Variants in ASAP1 observed in about 807,000 individuals in gnomAD.
The protein encoded by ASAP1 is ArfGAP with SH3 domain, ankyrin repeat and PH domain 1.
In ASAP1, 43 loss-of-function variants were observed where a neutral mutation model predicts 145.2. The ratio of observed to expected loss-of-function variants is 0.30; its 90% CI spans 0.23 to 0.38. ASAP1 has a LOEUF of 0.38. Ranked by LOEUF, ASAP1 falls within the 10% of genes least tolerant of loss-of-function variation. The pLI is 1.00. For missense variants in ASAP1, 1,018 were observed against 1,355.3 expected (o/e 0.75, Z 3.91); for synonymous variants, 546 against 515.5 (o/e 1.06, Z -0.80).
chr8:130,317,005 T>C (rs150946081), intron 3 of ASAP1, among the ~76,000 whole-genome samples: 7 of 152,274 alleles, frequency 4.6e-5, no homozygotes, highest in Non-Finnish European at 7.3e-5. Flanking sequence ...GCTATGCTGT[T>C]GAATGTTCCA....
Position 130,188,246 on chromosome 8 carries a change from C to T in ASAP1, c.406-63G>A. 3 of 1,300,232 alleles carry T rather than the reference C, an allele frequency of 2.3e-6. No individual in the cohort carries two copies. The South Asian group carries it at 3.6e-5, about 15-fold the overall frequency. The allele number at this position is 1,300,232 out of a possible 1,614,324, so 80.5% of individuals were successfully genotyped here. A position where few individuals can be genotyped will look rare whatever the true frequency, so the allele number is the denominator to read the frequency against. On this transcript the variant is annotated intron_variant, in intron 5 of 29. Coordinates refer to ENST00000518721, the MANE Select transcript of ASAP1 (RefSeq NM_018482.4). ...ATAAAGTCCACATGAACAATAAAAC[C>T]AGCTACTATTGACTGAGCATTTTCC...
chr8:130,388,004 G>C (rs534561942), intron 2 of ASAP1, among the ~76,000 whole-genome samples: 3 of 152,274 alleles, frequency 2.0e-5, no homozygotes, highest in Admixed American at 2.0e-4. Context: ...AAACATACGG[G>C]GAGCAACCAA....
At chr8:130,081,238 G>A (rs1257945671) in intron 25 of ASAP1, among the ~76,000 whole-genome samples, 2 of 152,184 alleles carry the variant, frequency 1.3e-5, no homozygotes, top group African/African-American at 4.8e-5. Flanking sequence ...AAAACCAGAG[G>A]CACACAGGTG....
intron 3 of ASAP1, among the ~76,000 whole-genome samples, chr8:130,300,656 G>A (rs1248270094): frequency 1.3e-5 from 2 of 152,202 alleles, no homozygotes; most frequent in Non-Finnish European, 2.9e-5. Context: ...AACAGATAAT[G>A]AAGTTGAAAG....
intron 3 of ASAP1, among the ~76,000 whole-genome samples, chr8:130,267,623 T>A (rs1443338378): frequency 6.6e-6 from 1 of 152,186 alleles, no homozygotes; most frequent in Admixed American, 6.5e-5. Context: ...TTGATAAAAA[T>A]CTACTTTGTA....
At chr8:130,392,854 G>A (rs1420506553) in intron 2 of ASAP1, among the ~76,000 whole-genome samples, 1 of 152,114 alleles carries the variant, frequency 6.6e-6, no homozygotes, top group African/African-American at 2.4e-5. Context: ...AACTAACAGA[G>A]TGAGAACTCA....
At chr8:130,431,528 C>A (rs908711289) in intron 1 of ASAP1, among the ~76,000 whole-genome samples, 9 of 152,186 alleles carry the variant, frequency 5.9e-5, no homozygotes, top group Non-Finnish European at 1.5e-5. Context: ...CCTTCCCTTC[C>A]TTCCATTCTT....
intron 4 of ASAP1, among the ~76,000 whole-genome samples, chr8:130,225,615 A>G (rs1414392944): frequency 6.6e-6 from 1 of 152,232 alleles, no homozygotes; most frequent in African/African-American, 2.4e-5. Flanking sequence ...AAAAGAACAC[A>G]CAGACAACAC....
At chr8:130,279,043 A>T (rs1434052036) in intron 3 of ASAP1, among the ~76,000 whole-genome samples, 1 of 152,206 alleles carries the variant, frequency 6.6e-6, no homozygotes, top group Non-Finnish European at 1.5e-5. Context: ...TACCCTAATA[A>T]GGTATCGAAA....
At chr8:130,226,332 A>G (rs1256766186) in intron 4 of ASAP1, among the ~76,000 whole-genome samples, 1 of 152,018 alleles carries the variant, frequency 6.6e-6, no homozygotes, top group African/African-American at 2.4e-5. Flanking sequence ...TAAACTCTTT[A>G]TTTTCTTATC....
At chr8:130,156,748 C>T (rs548540162) in intron 12 of ASAP1, among the ~76,000 whole-genome samples, 1 of 152,022 alleles carries the variant, frequency 6.6e-6, no homozygotes, top group African/African-American at 2.4e-5. Flanking sequence ...TTATTTAATC[C>T]CTCTGTAAAA....
chr8:130,256,752 T>TGAAA (rs1417377987), intron 3 of ASAP1, among the ~76,000 whole-genome samples: 3 of 41,890 alleles, frequency 7.2e-5, no homozygotes, highest in Non-Finnish European at 1.5e-4. Flanking sequence ...TATATATATA[T>TGAAA]ATATATATAT....
Position 130,152,554 on chromosome 8 carries a change from A to C in ASAP1, c.1080+182T>G, listed in dbSNP as rs1260250053. ...AAAAAAACAAGTTTCTAGTGATGCC[A>C]AAGAATGGTGCAGACTACCACAGGA... On this transcript the variant is annotated intron_variant, in intron 13 of 29. Transcript: ENST00000518721. 1.2e-4 allele frequency: 51 copies of C among 412,084 alleles called. No homozygotes were observed. In the East Asian group the frequency reaches 1.7e-3, roughly 14 times the overall value. 25.5% of individuals were successfully genotyped at this position (412,084 alleles called of 1,614,324 possible). A position where few individuals can be genotyped will look rare whatever the true frequency, so the allele number is the denominator to read the frequency against.
chr8:130,269,418 T>A (rs2137058239), intron 3 of ASAP1, among the ~76,000 whole-genome samples: 1 of 152,336 alleles, frequency 6.6e-6, no homozygotes, highest in East Asian at 1.9e-4. Context: ...CAGGATGTCC[T>A]GAGAATACAG....
At chr8:130,178,094 T>C (rs976747681) in intron 9 of ASAP1, among the ~76,000 whole-genome samples, 4 of 152,222 alleles carry the variant, frequency 2.6e-5, no homozygotes, top group Non-Finnish European at 5.9e-5. Context: ...ATGTTTCAGT[T>C]GAATACAGGT....
intron 3 of ASAP1, among the ~76,000 whole-genome samples, chr8:130,258,248 C>T (rs1007190982): frequency 1.3e-5 from 2 of 152,186 alleles, no homozygotes; most frequent in African/African-American, 4.8e-5. Context: ...TCAACCAGCC[C>T]ATCCCCTGCA....
intron 4 of ASAP1, among the ~76,000 whole-genome samples, chr8:130,231,969 T>A (rs1817932229): frequency 6.6e-6 from 1 of 152,228 alleles, no homozygotes; most frequent in South Asian, 2.1e-4. Context: ...AGGGCTGCAG[T>A]CACCTGAAAG....
intron 24 of ASAP1, among the ~76,000 whole-genome samples, chr8:130,103,414 C>G (rs564884055): frequency 1.3e-5 from 2 of 152,082 alleles, no homozygotes; most frequent in African/African-American, 4.8e-5. Context: ...CTGCTCTGAT[C>G]TTTTTTCTTT....
chr8:130,165,291 A>G (rs767541253), intron 11 of ASAP1, among the ~76,000 whole-genome samples: 22 of 152,192 alleles, frequency 1.4e-4, no homozygotes, highest in Non-Finnish European at 2.5e-4. Flanking sequence ...ATACTGTGTG[A>G]CAAAACAAAG....
Sources: gnomAD v4.1 joint callset for allele counts (sites outside exome capture counted in the v4.1 genomes callset) on GRCh38, gnomAD v4.1.1 for gene constraint, MANE v1.5 for transcripts, NCBI Gene and HGNC (gene_info 2026-07-23, HGNC 2026-07-21) for gene names.